SLC6A11: variants seen among roughly 807,000 people sequenced by gnomAD.
SLC6A11 encodes the protein sodium- and chloride-dependent GABA transporter 3.
SLC6A11 carries 25 observed loss-of-function variants against 74.8 expected under a neutral mutation model. The observed-to-expected ratio is 0.33, with a 90% CI of 0.24 to 0.47. The LOEUF (loss-of-function observed/expected upper bound fraction) is 0.47, where lower values mean the gene tolerates loss of function less well. Among genes scored for constraint, SLC6A11 ranks in the 20% least tolerant of loss-of-function variants. The probability of loss-of-function intolerance (pLI) is 1.00; values close to 1 mark genes in which losing one functional copy is unlikely to be tolerated. For synonymous variants in SLC6A11, 330 were observed against 330.2 expected, an observed-to-expected ratio of 1.00 and a Z score of 0.01; for missense variants, 574 against 837.0, an observed-to-expected ratio of 0.69 and a Z score of 3.88.
chr3:10,893,446 A>G (rs1695130672), intron 6 of SLC6A11, among the ~76,000 whole-genome samples: 1 of 152,124 alleles, frequency 6.6e-6, no homozygotes, highest in African/African-American at 2.4e-5. Context: ...GGTGTTTTTA[A>G]TCTTTGAGGG....
At chr3:10,896,596 A>T (rs1695174254) in intron 6 of SLC6A11, among the ~76,000 whole-genome samples, 1 of 152,246 alleles carries the variant, frequency 6.6e-6, no homozygotes, top group South Asian at 2.1e-4. Context: ...TACCTTACCC[A>T]GAAGGGAAAT....
chr3:10,926,185 T>G lies in SLC6A11; in HGVS notation c.1233+69T>G. The G allele has an allele frequency of 9.9e-7, 1 of 1,010,214 alleles. No homozygotes were observed. Among genetic ancestry groups the G allele is most frequent in the Admixed American group, 2.0e-5 (1 of 48,850 alleles). 62.6% of individuals were successfully genotyped at this position (1,010,214 alleles called of 1,614,324 possible). Reference sequence around the variant, plus strand: ...TGGGCCAGGAGGCCAGACGCCACCCTTAGGAGTGGCTCCCCAGGCCCAGCC... The same window carrying G: ...TGGGCCAGGAGGCCAGACGCCACCCGTAGGAGTGGCTCCCCAGGCCCAGCC... On this transcript the variant is annotated intron_variant, in intron 9 of 13. Transcript: ENST00000254488. This position sits in a 1 kb window ranked among gnomAD's most constrained non-coding sequence, Gnocchi z 5.7.
intron 8 of SLC6A11, among the ~76,000 whole-genome samples, chr3:10,922,526 A>G (rs1369913694): frequency 6.6e-6 from 1 of 152,222 alleles, no homozygotes; most frequent in African/African-American, 2.4e-5. Context: ...AAAGAAATAC[A>G]GAAAGGATTA....
intron 5 of SLC6A11, among the ~76,000 whole-genome samples, chr3:10,873,219 A>G (rs1191458692): frequency 6.6e-6 from 1 of 152,116 alleles, no homozygotes; most frequent in East Asian, 1.9e-4. Flanking sequence ...CTTGATTCTT[A>G]TCCAGAATCT....
chr3:10,905,963 T>G (rs1210286993), intron 6 of SLC6A11, among the ~76,000 whole-genome samples: 1 of 152,226 alleles, frequency 6.6e-6, no homozygotes, highest in African/African-American at 2.4e-5. Flanking sequence ...AAAATCCTGA[T>G]GATGATCAAA....
intron 6 of SLC6A11, among the ~76,000 whole-genome samples, chr3:10,906,252 C>G (rs1053677862): frequency 2.0e-5 from 3 of 151,888 alleles, no homozygotes; most frequent in African/African-American, 7.3e-5. Context: ...AAGGTGGCAA[C>G]AGAAAAAAAA....
intron 13 of SLC6A11, among the ~76,000 whole-genome samples, chr3:10,935,975 C>T (rs147033015): frequency 2.0e-5 from 3 of 152,268 alleles, no homozygotes; most frequent in African/African-American, 7.2e-5. Context: ...CTGGATGTTT[C>T]CTGTCACTGG....
At chr3:10,881,235 G>A (rs1694971743) in intron 6 of SLC6A11, among the ~76,000 whole-genome samples, 1 of 152,050 alleles carries the variant, frequency 6.6e-6, no homozygotes, top group South Asian at 2.1e-4. Flanking sequence ...GGCCAACATG[G>A]TGAAACTCCG....
intron 5 of SLC6A11, among the ~76,000 whole-genome samples, chr3:10,848,220 A>AGACC (rs1298222100): frequency 6.6e-6 from 1 of 152,196 alleles, no homozygotes; most frequent in African/African-American, 2.4e-5. Flanking sequence ...TTTCATCAGT[A>AGACC]GACCTGGCCT....
intron 6 of SLC6A11, among the ~76,000 whole-genome samples, chr3:10,897,297 A>G (rs559733926): frequency 6.6e-6 from 1 of 152,296 alleles, no homozygotes; most frequent in South Asian, 2.1e-4. Context: ...TGCCTTCCCA[A>G]CAGTCCCCCA....
At position 10,926,541 on chromosome 3, in the gene SLC6A11, C is replaced by T. The variant is rs574826425; in HGVS notation, c.1233+425C>T. Among the ~76,000 whole-genome samples the T allele has an allele frequency of 1.4e-4, 21 of 152,238 alleles. No individual in the cohort carries two copies. The South Asian group carries it at 4.4e-3, about 32-fold the overall frequency. On this transcript the variant is annotated intron_variant, in intron 9 of 13. Coordinates refer to ENST00000254488, the MANE Select transcript of SLC6A11 (RefSeq NM_014229.3). The surrounding 1 kb of genome is among the most constrained non-coding windows in gnomAD (Gnocchi z 5.7). ...CATCCCAACCCAATCATTGAGGACACGGACACATAGAAAAGCACCTCCTCT... is the reference window on the plus strand; with the variant it reads ...CATCCCAACCCAATCATTGAGGACATGGACACATAGAAAAGCACCTCCTCT...
chr3:10,878,087 C>G (rs557047340), intron 6 of SLC6A11, among the ~76,000 whole-genome samples: 1 of 152,314 alleles, frequency 6.6e-6, no homozygotes, highest in African/African-American at 2.4e-5. Context: ...CACCCAGCAA[C>G]AGAGGGATCT....
rs749904842 is a variant in SLC6A11, at chr3:10,819,883, C to G, written c.532+31C>G. The stretch of plus-strand genomic sequence containing the variant: ...GCCCCACGGAGGTCTCTCTGCTGGT[C>G]CTGCTGGGTGACCTGGGATTGGGGT... On this transcript the variant is annotated intron_variant, in intron 3 of 13. Coordinates refer to ENST00000254488, the MANE Select transcript of SLC6A11 (RefSeq NM_014229.3). The G allele has an allele frequency of 1.4e-5, 23 of 1,608,360 alleles. No homozygotes were observed. In the Admixed American group the frequency reaches 3.9e-4, roughly 27 times the overall value.
chr3:10,921,801 A>C (rs1165013107), intron 8 of SLC6A11, among the ~76,000 whole-genome samples: 1 of 152,212 alleles, frequency 6.6e-6, no homozygotes, highest in Admixed American at 6.5e-5. Flanking sequence ...TACCATTCAA[A>C]CAATAAACAT....
intron 4 of SLC6A11, among the ~76,000 whole-genome samples, chr3:10,835,185 T>C (rs1042723098): frequency 6.6e-6 from 1 of 152,206 alleles, no homozygotes; most frequent in African/African-American, 2.4e-5. Context: ...CGGCTGCTCC[T>C]TGATGCAGAT....
chr3:10,816,989 T>G lies in SLC6A11; in HGVS notation c.256+468T>G, dbSNP rs555320314. Among the ~76,000 whole-genome samples the G allele has an allele frequency of 6.6e-6, 1 of 152,224 alleles. No homozygotes were observed. The highest frequency in any genetic ancestry group is 1.5e-5 in the Non-Finnish European group (1 of 68,040). The stretch of plus-strand genomic sequence containing the variant: ...TCTCATCTCATCCTCTCAGTCACTT[T>G]CGTAGGCAGGGGTCTACCCATTTTG... On this transcript the variant is annotated intron_variant, in intron 1 of 13. Transcript: ENST00000254488. The surrounding 1 kb of genome is among the most constrained non-coding windows in gnomAD (Gnocchi z 4.2).
chr3:10,819,938 C>T lies in SLC6A11; in HGVS notation c.532+86C>T, dbSNP rs377655472. The T allele has an allele frequency of 1.5e-5, 22 of 1,422,264 alleles. No individual in the cohort carries two copies. The East Asian group carries it at 5.0e-4, about 32-fold the overall frequency. 88.1% of individuals were successfully genotyped at this position (1,422,264 alleles called of 1,614,324 possible). A position where few individuals can be genotyped will look rare whatever the true frequency, so the allele number is the denominator to read the frequency against. On this transcript the variant is annotated intron_variant, in intron 3 of 13. Transcript: ENST00000254488. ...TCATGCCCTTCAGGCCAGTCCTGGTCCCTGGCCTCTCGTCATGAGTCCAGT... is the reference window on the plus strand; with the variant it reads ...TCATGCCCTTCAGGCCAGTCCTGGTTCCTGGCCTCTCGTCATGAGTCCAGT...
At position 10,918,529 on chromosome 3, in the gene SLC6A11, T is replaced by C; in HGVS notation, c.1120+76T>C. On this transcript the variant is annotated intron_variant, in intron 8 of 13. Transcript: ENST00000254488. This position sits in a 1 kb window ranked among gnomAD's most constrained non-coding sequence, Gnocchi z 4.5. ...TGATGGTCATCATGGAAATGCGATC[T>C]TCCTCCTCGGCTCACACATCTCCTG... The C allele has an allele frequency of 6.6e-7, 1 of 1,506,140 alleles. No individual in the cohort carries two copies. The highest frequency in any genetic ancestry group is 8.9e-7 in the Non-Finnish European group (1 of 1,117,998). The allele number at this position is 1,506,140 out of a possible 1,614,324, so 93.3% of individuals were successfully genotyped here.
intron 6 of SLC6A11, among the ~76,000 whole-genome samples, chr3:10,888,975 G>A (rs1420574331): frequency 6.6e-6 from 1 of 152,204 alleles, no homozygotes; most frequent in East Asian, 1.9e-4. Context: ...GTTGGGTGGG[G>A]AGGATGAGTA....
Sources: allele counts gnomAD v4.1 joint callset (sites outside exome capture counted in the v4.1 genomes callset), GRCh38; gene constraint gnomAD v4.1.1; non-coding constraint Gnocchi (gnomAD v3.1); transcripts MANE v1.5; gene names NCBI Gene and HGNC (gene_info 2026-07-23, HGNC 2026-07-21).